Variants in AGAP1 observed in about 807,000 individuals in gnomAD.
The protein encoded by AGAP1 is ArfGAP with GTPase domain, ankyrin repeat and PH domain 1.
In AGAP1, 29 loss-of-function variants were observed where a neutral mutation model predicts 105.3. The ratio of observed to expected loss-of-function variants is 0.28; its 90% CI spans 0.21 to 0.38. The LOEUF is 0.38. Ranked by LOEUF, AGAP1 falls within the 10% of genes least tolerant of loss-of-function variation. The probability of loss-of-function intolerance (pLI) is 1.00; values close to 1 mark genes in which losing one functional copy is unlikely to be tolerated. For synonymous variants in AGAP1, 509 were observed against 485.9 expected (o/e 1.05, Z -0.63); for missense variants, 998 against 1,165.1 (o/e 0.86, Z 2.09).
rs1200856020 is a variant in AGAP1 at position 235,555,398 on chromosome 2, G to C, written c.163+60549G>C. Among the ~76,000 whole-genome samples, 1 of 152,202 alleles carries C rather than the reference G, an allele frequency of 6.6e-6. No individual in the cohort carries two copies. Among genetic ancestry groups the C allele is most frequent in the African/African-American group, 2.4e-5 (1 of 41,450 alleles). On this transcript the variant is annotated intron_variant, in intron 1 of 17. Transcript: ENST00000304032. This position sits in a 1 kb window ranked among gnomAD's most constrained non-coding sequence, Gnocchi z 5.1. The stretch of plus-strand genomic sequence containing the variant: ...TCATAGATGGCTGGTTCCTGCCAGT[G>C]ACACACGTGGACCTCAAGCAGGTGG...
At chr2:236,110,261 C>T (rs1170682103) in intron 16 of AGAP1, among the ~76,000 whole-genome samples, 2 of 152,076 alleles carry the variant, frequency 1.3e-5, no homozygotes, top group African/African-American at 2.4e-5. Context: ...TTTGGGAGGC[C>T]AAGGTGGGAG....
chr2:235,770,265 T>A (rs1955329919), intron 6 of AGAP1, among the ~76,000 whole-genome samples: 1 of 150,452 alleles, frequency 6.6e-6, no homozygotes, highest in South Asian at 2.1e-4. Context: ...CCCCAGTAGC[T>A]GGGACTACAG....
intron 1 of AGAP1, among the ~76,000 whole-genome samples, chr2:235,501,036 G>A (rs542092424): frequency 1.3e-5 from 2 of 152,266 alleles, no homozygotes; most frequent in East Asian, 3.9e-4. Flanking sequence ...CATGGGACAG[G>A]CTGGGGGTTT....
intron 1 of AGAP1, among the ~76,000 whole-genome samples, chr2:235,617,529 C>T (rs1171780513): frequency 6.6e-6 from 1 of 152,144 alleles, no homozygotes; most frequent in Non-Finnish European, 1.5e-5. Context: ...TGGTGAAACT[C>T]TGTCTCTACT....
At chr2:235,670,241 G>A (rs1311462667) in intron 1 of AGAP1, 2 of 559,832 alleles carry the variant, frequency 3.6e-6, no homozygotes, top group Non-Finnish European at 6.5e-6. Flanking sequence ...GGGCTCCGGC[G>A]GCCCGGACCC....
At chr2:235,572,988 CTTCTTCTTCTT>C in intron 1 of AGAP1, among the ~76,000 whole-genome samples, 1 of 23,834 alleles carries the variant, frequency 4.2e-5, no homozygotes, top group South Asian at 2.0e-3. Flanking sequence ...TCTTCTTCTT[CTTCTTCTTCTT>C]CTTCTTCTTC....
chr2:235,903,747 T>C (rs1305903000), intron 10 of AGAP1, among the ~76,000 whole-genome samples: 3 of 152,142 alleles, frequency 2.0e-5, no homozygotes, highest in Non-Finnish European at 4.4e-5. Flanking sequence ...TTCTTGTATA[T>C]TTTTTAGTAG....
chr2:235,763,300 C>CAA (rs56145835), intron 6 of AGAP1, among the ~76,000 whole-genome samples: 7 of 140,866 alleles, frequency 5.0e-5, no homozygotes, highest in South Asian at 4.5e-4. Flanking sequence ...AAATATTCCA[C>CAA]AAAAAAAAAA....
intron 9 of AGAP1, among the ~76,000 whole-genome samples, chr2:235,851,464 C>T (rs1361688673): frequency 3.9e-5 from 6 of 152,190 alleles, no homozygotes; most frequent in Non-Finnish European, 8.8e-5. Context: ...GTGCCGCAGG[C>T]GAGTGATGGG....
At chr2:235,922,845 A>C (rs926733678) in intron 11 of AGAP1, among the ~76,000 whole-genome samples, 2 of 152,226 alleles carry the variant, frequency 1.3e-5, no homozygotes, top group Non-Finnish European at 2.9e-5. Context: ...GTGTAAAGAA[A>C]AATAGCATAT....
In AGAP1 at chr2:236,121,673, C is replaced by T. The variant is rs960901231; in HGVS notation, c.2370+1226C>T. ...ACACTACACCAAAATCACACAGATACTCCCTTTTGCTCATGAGTCATACAT... is the reference window on the plus strand; with the variant it reads ...ACACTACACCAAAATCACACAGATATTCCCTTTTGCTCATGAGTCATACAT... On this transcript the variant is annotated intron_variant, in intron 17 of 17. Coordinates refer to ENST00000304032, the MANE Select transcript of AGAP1 (RefSeq NM_001037131.3). This position sits in a 1 kb window ranked among gnomAD's most constrained non-coding sequence, Gnocchi z 4.9. 5.9e-5 allele frequency among the ~76,000 whole-genome samples: 9 copies of T among 152,172 alleles called. No homozygotes were observed. Among genetic ancestry groups the T allele is most frequent in the African/African-American group, 2.2e-4 (9 of 41,446 alleles).
At position 236,020,800 on chromosome 2, in the gene AGAP1, T is replaced by C. The variant is rs546663416; in HGVS notation, c.1646-15761T>C. 2.0e-5 allele frequency among the ~76,000 whole-genome samples: 3 copies of C among 152,338 alleles called. No individual in the cohort carries two copies. The highest frequency in any genetic ancestry group is 7.2e-5 in the African/African-American group (3 of 41,580). On this transcript the variant is annotated intron_variant, in intron 13 of 17. Transcript: ENST00000304032. The surrounding 1 kb of genome is among the most constrained non-coding windows in gnomAD (Gnocchi z 5.0). The stretch of plus-strand genomic sequence containing the variant: ...ATCTGTGGACTATTCAGTAGGCCTT[T>C]TTAATGTATCGGTACAGAGCAGAGC...
At chr2:235,798,460 G>C (rs764046847) in intron 7 of AGAP1, among the ~76,000 whole-genome samples, 1 of 152,146 alleles carries the variant, frequency 6.6e-6, no homozygotes, top group Non-Finnish European at 1.5e-5. Context: ...TTCTTGGGCA[G>C]GTATTCTATT....
chr2:235,511,880 A>ATGTGTGTGAGTG (rs1942139629), intron 1 of AGAP1, among the ~76,000 whole-genome samples: 1 of 150,412 alleles, frequency 6.6e-6, no homozygotes, highest in South Asian at 2.1e-4. Context: ...GTGTATGTGA[A>ATGTGTGTGAGTG]TGTGTGTGAA....
In AGAP1 at chr2:235,574,173, A is replaced by C. The variant is rs1944661024; in HGVS notation, c.163+79324A>C. 6.6e-6 allele frequency among the ~76,000 whole-genome samples: 1 copy of C among 152,196 alleles called. No homozygotes were observed. Among genetic ancestry groups the C allele is most frequent in the South Asian group, 2.1e-4 (1 of 4,830 alleles). On this transcript the variant is annotated intron_variant, in intron 1 of 17. Transcript: ENST00000304032. The surrounding 1 kb of genome is among the most constrained non-coding windows in gnomAD (Gnocchi z 5.0). The stretch of plus-strand genomic sequence containing the variant: ...AGGCCCAGCTGGGCATTCAGCTGTG[A>C]CTGCATTCTGGCACCTGAAGCATCT...
intron 9 of AGAP1, among the ~76,000 whole-genome samples, chr2:235,834,843 C>T (rs1332286943): frequency 1.3e-5 from 2 of 152,156 alleles, no homozygotes; most frequent in South Asian, 2.1e-4. Flanking sequence ...AGGCTCGGGT[C>T]TAGTGGTGGA....
At position 235,750,436 on chromosome 2, in the gene AGAP1, C is replaced by T; in HGVS notation, c.621C>T (p.Tyr207=). ...CCAACGACCTGAAACGGTGCACGTA[C>T]TACGAGACGTGTGCTACATACGGGC... ...KLSNDLKRCT[Y]YETCATYGLN... The change falls in exon 6 of 18, where the codon TAC becomes TAT. Residue 207 remains tyrosine (Y), a synonymous_variant. Transcript: ENST00000304032. This position sits in a 1 kb window ranked among gnomAD's most constrained non-coding sequence, Gnocchi z 5.3. 1.2e-6 allele frequency: 2 copies of T among 1,614,158 alleles called. No homozygotes were observed. The highest frequency in any genetic ancestry group is 1.6e-4 in the Middle Eastern group (1 of 6,062).
chr2:236,028,990 A>C (rs1461707962), intron 13 of AGAP1, among the ~76,000 whole-genome samples: 2 of 151,764 alleles, frequency 1.3e-5, no homozygotes, highest in East Asian at 3.9e-4. Context: ...TTTCTTGCAG[A>C]GGTTTACCAC....
At chr2:235,505,271 A>C (rs1387514854) in intron 1 of AGAP1, among the ~76,000 whole-genome samples, 1 of 152,224 alleles carries the variant, frequency 6.6e-6, no homozygotes, top group Non-Finnish European at 1.5e-5. Flanking sequence ...CTCAAGGAGT[A>C]ATTTTCTTTG....
Sources: gnomAD v4.1 joint callset for allele counts (sites outside exome capture counted in the v4.1 genomes callset) on GRCh38, gnomAD v4.1.1 for gene constraint, Gnocchi (gnomAD v3.1) non-coding constraint, MANE v1.5 for transcripts, NCBI Gene and HGNC (gene_info 2026-07-23, HGNC 2026-07-21) for gene names.